GRIN2A: variants seen among roughly 807,000 people sequenced by gnomAD.
The protein encoded by GRIN2A is glutamate receptor ionotropic, NMDA 2A.
A neutral mutation model predicts 113.4 loss-of-function variants in GRIN2A; 22 were observed. The ratio of observed to expected loss-of-function variants is 0.19; its 90% CI spans 0.14 to 0.28. GRIN2A has a LOEUF of 0.28. Ranked by LOEUF, GRIN2A falls within the 10% of genes least tolerant of loss-of-function variation. The probability of loss-of-function intolerance (pLI) is 1.00; values close to 1 mark genes in which losing one functional copy is unlikely to be tolerated. For missense variants in GRIN2A, 1,502 were observed against 1,887.0 expected (o/e 0.80, Z 3.78); for synonymous variants, 827 against 738.4 (o/e 1.12, Z -1.94).
At chr16:10,172,124 T>A (rs1302420827) in intron 2 of GRIN2A, among the ~76,000 whole-genome samples, 2 of 152,230 alleles carry the variant, frequency 1.3e-5, no homozygotes, top group Non-Finnish European at 2.9e-5. Flanking sequence ...GGAAGAGATC[T>A]TAGTGATAAT....
intron 2 of GRIN2A, among the ~76,000 whole-genome samples, chr16:10,071,278 A>G (rs1289952114): frequency 6.6e-6 from 1 of 152,224 alleles, no homozygotes; most frequent in Non-Finnish European, 1.5e-5. Context: ...CAGAAATGCA[A>G]TGTAGGAAGC....
At chr16:9,843,737 T>TG (rs138594069) in intron 5 of GRIN2A, among the ~76,000 whole-genome samples, 4,256 of 152,040 alleles carry the variant, frequency 0.028, 198 homozygotes, top group African/African-American at 0.097. Flanking sequence ...CCACCCTTAG[T>TG]GGGGGGGTAG....
chr16:9,998,386 G>A (rs1361161981), intron 2 of GRIN2A, among the ~76,000 whole-genome samples: 1 of 152,190 alleles, frequency 6.6e-6, no homozygotes, highest in Non-Finnish European at 1.5e-5. Flanking sequence ...CCAGGGAGCT[G>A]GAAGGATGGG....
intron 5 of GRIN2A, among the ~76,000 whole-genome samples, chr16:9,848,374 G>C (rs1481617221): frequency 6.7e-6 from 1 of 150,274 alleles, no homozygotes; most frequent in Non-Finnish European, 1.5e-5. Context: ...CACCACCATA[G>C]CTGGCTAATT....
intron 2 of GRIN2A, chr16:10,112,693 T>C: frequency 1.3e-6 from 1 of 750,812 alleles, no homozygotes. Context: ...AAGGTGAATA[T>C]TGTGCAGGGT....
At chr16:9,802,739 A>G (rs1032653763) in intron 10 of GRIN2A, among the ~76,000 whole-genome samples, 6 of 152,200 alleles carry the variant, frequency 3.9e-5, no homozygotes, top group African/African-American at 1.2e-4. Flanking sequence ...ACTTTCTGCA[A>G]TGCTGGAAAT....
chr16:9,974,406 T>G (rs2045735433), intron 2 of GRIN2A, among the ~76,000 whole-genome samples: 1 of 152,186 alleles, frequency 6.6e-6, no homozygotes, highest in African/African-American at 2.4e-5. Context: ...ATCCCTGTCC[T>G]GTTCTGTTTC....
At chr16:9,986,764 CAA>C (rs3065539) in intron 2 of GRIN2A, among the ~76,000 whole-genome samples, 37,545 of 112,100 alleles carry the variant, frequency 0.33, 5,373 homozygotes, top group Middle Eastern at 0.42. Context: ...GACGCTGTCT[CAA>C]AAAAAAAAAA....
intron 11 of GRIN2A, among the ~76,000 whole-genome samples, chr16:9,769,897 A>G (rs1410266667): frequency 2.6e-5 from 4 of 152,176 alleles, no homozygotes; most frequent in Admixed American, 2.6e-4. Context: ...GTCACACATG[A>G]GCAGCATACT....
intron 4 of GRIN2A, among the ~76,000 whole-genome samples, chr16:9,855,539 C>T (rs1234511544): frequency 1.3e-5 from 2 of 152,144 alleles, no homozygotes; most frequent in Non-Finnish European, 2.9e-5. Context: ...CTCACTGTAA[C>T]AGGAATGAGG....
At chr16:9,987,823 C>G (rs1203869411) in intron 2 of GRIN2A, among the ~76,000 whole-genome samples, 1 of 152,104 alleles carries the variant, frequency 6.6e-6, no homozygotes, top group Non-Finnish European at 1.5e-5. Flanking sequence ...AATTCCCAAG[C>G]ATGGAGTCAA....
At chr16:10,065,425 T>C (rs1303445368) in intron 2 of GRIN2A, among the ~76,000 whole-genome samples, 3 of 152,214 alleles carry the variant, frequency 2.0e-5, no homozygotes, top group African/African-American at 7.2e-5. Flanking sequence ...CACAGGAGTC[T>C]CTCAACTTCA....
intron 2 of GRIN2A, among the ~76,000 whole-genome samples, chr16:10,152,220 G>A (rs1196792519): frequency 2.0e-5 from 3 of 152,156 alleles, no homozygotes; most frequent in African/African-American, 7.2e-5. Flanking sequence ...ATTTCCATTT[G>A]CTCAAAATTA....
At chr16:9,908,043 C>A (rs1030942888) in intron 3 of GRIN2A, among the ~76,000 whole-genome samples, 2 of 152,172 alleles carry the variant, frequency 1.3e-5, no homozygotes, top group Non-Finnish European at 2.9e-5. Context: ...GAGAATGTCC[C>A]GGTGTGCTGG....
chr16:9,876,369 C>T (rs886959805), intron 4 of GRIN2A, among the ~76,000 whole-genome samples: 1 of 152,168 alleles, frequency 6.6e-6, no homozygotes, highest in Admixed American at 6.5e-5. Context: ...TCTACCCCTA[C>T]GTCCTCATGT....
At chr16:10,039,205 G>C (rs886156413) in intron 2 of GRIN2A, among the ~76,000 whole-genome samples, 3 of 152,124 alleles carry the variant, frequency 2.0e-5, no homozygotes, top group African/African-American at 7.2e-5. Context: ...AGGCAGAGGG[G>C]GGACCCACTC....
At chr16:9,882,351 T>C (rs1596535628) in intron 4 of GRIN2A, among the ~76,000 whole-genome samples, 1 of 152,210 alleles carries the variant, frequency 6.6e-6, no homozygotes, top group Admixed American at 6.5e-5. Flanking sequence ...AGAGCAATCA[T>C]AGCTTTTGTA....
At chr16:9,938,682 A>G in intron 2 of GRIN2A, 131 bp from the exon 3 acceptor site, 2 of 713,590 alleles carry the variant, frequency 2.8e-6, no homozygotes, top group Non-Finnish European at 5.0e-6. Flanking sequence ...AGCATCTACT[A>G]TATCCCAGAC....
chr16:10,131,561 G>T (rs1021892517), intron 2 of GRIN2A, among the ~76,000 whole-genome samples: 1 of 152,024 alleles, frequency 6.6e-6, no homozygotes, highest in Non-Finnish European at 1.5e-5. Context: ...GCTACTGAGA[G>T]AGGCTTCAAA....
Sources: allele counts gnomAD v4.1 joint callset (sites outside exome capture counted in the v4.1 genomes callset), GRCh38; gene constraint gnomAD v4.1.1; transcripts MANE v1.5; gene names NCBI Gene and HGNC (gene_info 2026-07-23, HGNC 2026-07-21).